The following DOCK1 variants were observed in gnomAD, a reference collection of about 807,000 sequenced individuals.
DOCK1 encodes the protein dedicator of cytokinesis protein 1.
DOCK1 carries 138 observed loss-of-function variants against 262.7 expected under a neutral mutation model. That is an observed-to-expected ratio of 0.53 (90% confidence interval 0.46 to 0.61). The LOEUF is 0.61. DOCK1 is among the 20% of genes least tolerant of loss of function. DOCK1 has a pLI of 0.00. For synonymous variants in DOCK1, 866 were observed against 867.4 expected (o/e 1.00, Z 0.03); for missense variants, 1,908 against 2,370.7 (o/e 0.80, Z 4.05).
At chr10:127,389,408 G>A (rs764984359) in intron 38 of DOCK1, among the ~76,000 whole-genome samples, 9 of 152,162 alleles carry the variant, frequency 5.9e-5, no homozygotes, top group Non-Finnish European at 1.3e-4. Flanking sequence ...GGAGGGCCCA[G>A]GGCACACCTT....
intron 27 of DOCK1, among the ~76,000 whole-genome samples, chr10:127,188,506 C>T (rs1392399626): frequency 2.0e-5 from 3 of 152,158 alleles, no homozygotes; most frequent in African/African-American, 4.8e-5. Context: ...ACCAGTCATT[C>T]GTACATTGAC....
intron 10 of DOCK1, among the ~76,000 whole-genome samples, chr10:127,001,819 G>C (rs1035800559): frequency 9.2e-5 from 14 of 152,136 alleles, no homozygotes; most frequent in African/African-American, 2.7e-4. Flanking sequence ...TGTTCTTTCT[G>C]AAGTCCCCAC....
intron 40 of DOCK1, among the ~76,000 whole-genome samples, chr10:127,408,591 C>G (rs1265919657): frequency 6.6e-6 from 1 of 152,216 alleles, no homozygotes; most frequent in Non-Finnish European, 1.5e-5. Flanking sequence ...TTCCTTATGG[C>G]AGAATGAAAA....
intron 29 of DOCK1, among the ~76,000 whole-genome samples, chr10:127,284,723 G>T (rs2061085175): frequency 6.6e-6 from 1 of 152,146 alleles, no homozygotes; most frequent in African/African-American, 2.4e-5. Context: ...CTGCACTCCA[G>T]CCAGGGTGAA....
At chr10:127,040,592 A>T (rs1375828437) in intron 19 of DOCK1, among the ~76,000 whole-genome samples, 1 of 151,998 alleles carries the variant, frequency 6.6e-6, no homozygotes, top group East Asian at 1.9e-4. Context: ...TGCTTCTTTA[A>T]TCTTGGGGCT....
Position 127,250,791 on chromosome 10 carries a change from C to CAA in DOCK1, c.2949+2712_2949+2713dup, listed in dbSNP as rs1180814401. Among the ~76,000 whole-genome samples, 222 of 64,072 alleles carry CAA rather than the reference C, an allele frequency of 3.5e-3. 9 individuals are homozygous for CAA. Among genetic ancestry groups the CAA allele is most frequent in the African/African-American group, 0.012 (177 of 14,388 alleles). The allele number at this position is 64,072 out of a possible 152,430, so 42.0% of individuals were successfully genotyped here. A position where few individuals can be genotyped will look rare whatever the true frequency, so the allele number is the denominator to read the frequency against. On this transcript the variant is annotated intron_variant, in intron 28 of 51. Coordinates refer to ENST00000623213, the MANE Select transcript of DOCK1 (RefSeq NM_001290223.2). ...TGGGCGACACAGTGAGACTCCGTCT[C>CAA]AAAAAAAAAAAAAAAAAAAAAAAAA...
At chr10:127,028,402 T>C (rs1407591003) in intron 16 of DOCK1, among the ~76,000 whole-genome samples, 2 of 152,126 alleles carry the variant, frequency 1.3e-5, no homozygotes, top group Non-Finnish European at 2.9e-5. Context: ...CACAAGAAGT[T>C]TATTGTGTTA....
At chr10:127,360,742 C>T (rs1334902064) in intron 32 of DOCK1, among the ~76,000 whole-genome samples, 1 of 151,914 alleles carries the variant, frequency 6.6e-6, no homozygotes, top group Non-Finnish European at 1.5e-5. Context: ...ATGCAAAGAT[C>T]CTGAGACAAG....
chr10:127,024,870 A>T lies in DOCK1; in HGVS notation c.1551+87A>T, dbSNP rs2042717217. 3.4e-6 allele frequency: 4 copies of T among 1,180,020 alleles called. No individual in the cohort carries two copies. In the African/African-American group the frequency reaches 6.1e-5, roughly 18 times the overall value. 73.1% of individuals were successfully genotyped at this position (1,180,020 alleles called of 1,614,324 possible). A position where few individuals can be genotyped will look rare whatever the true frequency, so the allele number is the denominator to read the frequency against. On this transcript the variant is annotated intron_variant, in intron 15 of 51. Coordinates refer to ENST00000623213, the MANE Select transcript of DOCK1 (RefSeq NM_001290223.2). ...AAGGAAACATCCTAACATCCTCCTCAGCCCGGGAGCTGCTCCAGGCAGGCA... is the reference window on the plus strand; with the variant it reads ...AAGGAAACATCCTAACATCCTCCTCTGCCCGGGAGCTGCTCCAGGCAGGCA...
At chr10:127,163,012 C>T (rs1015371966) in intron 27 of DOCK1, among the ~76,000 whole-genome samples, 1 of 152,208 alleles carries the variant, frequency 6.6e-6, no homozygotes, top group African/African-American at 2.4e-5. Flanking sequence ...AACCTGCATC[C>T]TTGGTCCGGG....
intron 46 of DOCK1, among the ~76,000 whole-genome samples, chr10:127,420,769 G>T (rs551086115): frequency 6.6e-5 from 10 of 151,818 alleles, no homozygotes; most frequent in African/African-American, 1.9e-4. Flanking sequence ...AACCCGGGAG[G>T]CGGAGGTTGC....
At chr10:126,972,101 T>G (rs2038156250) in intron 2 of DOCK1, among the ~76,000 whole-genome samples, 1 of 151,866 alleles carries the variant, frequency 6.6e-6, no homozygotes, top group Non-Finnish European at 1.5e-5. Context: ...TTTTTAGTAG[T>G]GACGGGGTTT....
intron 1 of DOCK1, among the ~76,000 whole-genome samples, chr10:126,941,761 G>GACAAAACAAAACAAA (rs1192975240): frequency 6.6e-6 from 1 of 150,488 alleles, no homozygotes; most frequent in Non-Finnish European, 1.5e-5. Context: ...TCTCAAAACA[G>GACAAAACAAAACAAA]ACAAAACAAA....
chr10:127,157,289 A>G (rs1174966733), intron 27 of DOCK1, among the ~76,000 whole-genome samples: 1 of 152,196 alleles, frequency 6.6e-6, no homozygotes, highest in African/African-American at 2.4e-5. Context: ...AACATCCTGC[A>G]GTGGGAATGA....
At chr10:127,264,062 G>A (rs2060270543) in intron 29 of DOCK1, among the ~76,000 whole-genome samples, 3 of 152,142 alleles carry the variant, frequency 2.0e-5, no homozygotes, top group Admixed American at 2.0e-4. Context: ...GTGAGAGAGA[G>A]GCCAGTACTG....
intron 1 of DOCK1, among the ~76,000 whole-genome samples, chr10:126,953,372 A>AT (rs2036483027): frequency 4.9e-5 from 7 of 141,418 alleles, no homozygotes; most frequent in African/African-American, 1.9e-4. Flanking sequence ...TGTTGGTAGT[A>AT]TTTTTCATAG....
chr10:127,226,024 G>A (rs1212579590), intron 27 of DOCK1, among the ~76,000 whole-genome samples: 1 of 149,106 alleles, frequency 6.7e-6, no homozygotes, highest in Admixed American at 6.8e-5. Flanking sequence ...GTTGCAGTCA[G>A]CCAAGATCAT....
At chr10:127,249,299 G>C (rs2134805129) in intron 28 of DOCK1, among the ~76,000 whole-genome samples, 1 of 151,632 alleles carries the variant, frequency 6.6e-6, no homozygotes, top group South Asian at 2.1e-4. Flanking sequence ...TATAGTGGCA[G>C]CAATAAGCAA....
chr10:127,275,847 G>A (rs2135228432), intron 29 of DOCK1, among the ~76,000 whole-genome samples: 1 of 152,250 alleles, frequency 6.6e-6, no homozygotes, highest in South Asian at 2.1e-4. Flanking sequence ...AGTGAGAAGG[G>A]GTGCAGAGAA....
Sources: gnomAD v4.1 joint callset for allele counts (sites outside exome capture counted in the v4.1 genomes callset) on GRCh38, gnomAD v4.1.1 for gene constraint, MANE v1.5 for transcripts, NCBI Gene and HGNC (gene_info 2026-07-23, HGNC 2026-07-21) for gene names.